The following CROCC2 variants were observed in gnomAD, a reference collection of about 807,000 sequenced individuals.
CROCC2 encodes the protein ciliary rootlet coiled-coil, rootletin family member 2.
Under a neutral mutation model 177.6 loss-of-function variants are expected in CROCC2, and 163 were observed. That is an observed-to-expected ratio of 0.92 (90% CI 0.81 to 1.05). The LOEUF (loss-of-function observed/expected upper bound fraction) is 1.05, where lower values mean the gene tolerates loss of function less well. CROCC2 is among the 50% of genes least tolerant of loss of function. CROCC2 has a pLI of 0.00. For missense variants in CROCC2, 1,929 were observed against 1,797.8 expected, an observed-to-expected ratio of 1.07 and a Z score of -1.32; for synonymous variants, 904 against 787.3, an observed-to-expected ratio of 1.15 and a Z score of -2.48.
rs557098696 is a variant in CROCC2, at chr2:240,932,857, C to T, written c.1200C>T (p.Pro400=). The T allele has an allele frequency of 5.1e-5, 79 of 1,546,390 alleles. No homozygotes were observed. Among genetic ancestry groups the T allele is most frequent in the African/African-American group, 2.7e-4 (20 of 72,950 alleles). The part of the protein sequence containing the change: ...PHICSPATLD[P]ALQAMRAAIE... ...TCTGCTCCCCAGCCACCCTGGACCC[C>T]GCACTGCAGGCCATGCGGGCAGCCA... Residue 400 remains proline, a synonymous_variant, in exon 9 of 32, where the codon CCC becomes CCT. Coordinates refer to ENST00000690015, the MANE Select transcript of CROCC2 (RefSeq NM_001351305.2).
rs1212922356 is a variant in CROCC2, at chr2:240,963,686, G to A, written c.3218G>A (p.Ser1073Asn). The A allele has an allele frequency of 8.4e-6, 13 of 1,550,274 alleles. No individual in the cohort carries two copies. Among genetic ancestry groups the A allele is most frequent in the African/African-American group, 1.4e-5 (1 of 73,146 alleles). Residue 1073 changes from serine (S) to asparagine (N), a missense_variant, in exon 21 of 32, where the codon AGT becomes AAT. Ser to Asn is a conservative substitution (Grantham distance 46). This residue lies in a region of CROCC2 where 1,397 missense variants were observed against 1,239.9 expected (regional missense o/e 1.13). Coordinates refer to ENST00000690015, the MANE Select transcript of CROCC2 (RefSeq NM_001351305.2). ...REAQEARRAL[S>N]DEAREKDVLL... ...GCCCAGGAGGCCCGCCGGGCGCTGAGTGACGAGGCCCGCGAGAAGGACGTA... is the reference window on the plus strand; with the variant it reads ...GCCCAGGAGGCCCGCCGGGCGCTGAATGACGAGGCCCGCGAGAAGGACGTA...
rs2059731513 is a variant in CROCC2, at chr2:240,972,888, C to G, written c.4401+4626C>G. ...TCAGACACACCTAAGTCACCAGAGG[C>G]CCCCGCTTTTGACACACAGCAAACC... On this transcript the variant is annotated intron_variant, in intron 27 of 31. Coordinates refer to ENST00000690015, the MANE Select transcript of CROCC2 (RefSeq NM_001351305.2). The surrounding 1 kb of genome is among the most constrained non-coding windows in gnomAD (Gnocchi z 7.1). Among the ~76,000 whole-genome samples, 1 of 151,766 alleles carries G rather than the reference C, an allele frequency of 6.6e-6. No homozygotes were observed. Among genetic ancestry groups the G allele is most frequent in the African/African-American group, 2.4e-5 (1 of 41,144 alleles).
Position 240,989,740 on chromosome 2 carries a change from A to G in CROCC2, c.4770A>G (p.Ala1590=). The change falls in exon 30 of 32, where the codon GCA becomes GCG. Residue 1590 remains alanine, a synonymous_variant. Transcript: ENST00000690015. ...AQHQRDLATE[A]ERLHGARPQA... Reference sequence around the variant, plus strand: ...ACCAGCGGGACCTGGCCACAGAGGCAGAGCGTCTCCATGGGGCCCGGCCGC... The same window carrying G: ...ACCAGCGGGACCTGGCCACAGAGGCGGAGCGTCTCCATGGGGCCCGGCCGC... 1 of 1,550,408 alleles carries G rather than the reference A, an allele frequency of 6.4e-7. No individual in the cohort carries two copies. The highest frequency in any genetic ancestry group is 2.4e-5 in the East Asian group (1 of 40,916).
In CROCC2 at chr2:240,922,775, G is replaced by A. The variant is rs941296699; in HGVS notation, c.488+130G>A. 10 of 478,440 alleles carry A rather than the reference G, an allele frequency of 2.1e-5. No homozygotes were observed. In the Admixed American group the frequency reaches 3.5e-4, roughly 17 times the overall value. The allele number at this position is 478,440 out of a possible 1,614,324, so 29.6% of individuals were successfully genotyped here. A position where few individuals can be genotyped will look rare whatever the true frequency, so the allele number is the denominator to read the frequency against. ...GCAGCTGTGAGTTCAGTTTCCCTGT[G>A]GGAGCCAACCCAGGCCTCCATGGCC... On this transcript the variant is annotated intron_variant, in intron 4 of 31. Coordinates refer to ENST00000690015, the MANE Select transcript of CROCC2 (RefSeq NM_001351305.2).
At chr2:240,925,532 G>A (rs1488205990) in intron 4 of CROCC2, among the ~76,000 whole-genome samples, 192 bp from the exon 5 acceptor site, 1 of 152,182 alleles carries the variant, frequency 6.6e-6, no homozygotes, top group African/African-American at 2.4e-5. Context: ...CCTTGATGCT[G>A]GCACTCAGTT....
At position 240,967,442 on chromosome 2, in the gene CROCC2, A is replaced by G. The variant is rs1404050187; in HGVS notation, c.4244A>G (p.Lys1415Arg). 7.1e-7 allele frequency: 1 copy of G among 1,418,434 alleles called. No individual in the cohort carries two copies. The highest frequency in any genetic ancestry group is 1.2e-5 in the South Asian group (1 of 81,402). 87.9% of individuals were successfully genotyped at this position (1,418,434 alleles called of 1,614,324 possible). ...RAQSRVGQLQ[K>R]ALAEAEEGQR... ...CAGAGCCGCGTGGGGCAGCTGCAGA[A>G]AGCCCTGGCTGAGGCGGAAGAAGGT... The change falls in exon 26 of 32, where the codon AAA (lysine) becomes AGA (arginine). Residue 1415 changes from lysine (K) to arginine (R), a missense_variant. Lys to Arg is a conservative substitution (Grantham distance 26). This residue lies in a region of CROCC2 where 388 missense variants were observed against 352.7 expected (regional missense o/e 1.10). Transcript: ENST00000690015.
chr2:240,951,406 TC>T (rs1348266967), intron 18 of CROCC2, among the ~76,000 whole-genome samples: 1 of 151,850 alleles, frequency 6.6e-6, no homozygotes, highest in Non-Finnish European at 1.5e-5. Flanking sequence ...CATCCATTCA[TC>T]CATCTGTCCA....
chr2:240,984,156 TCAGA>T (rs1387513856), intron 28 of CROCC2, among the ~76,000 whole-genome samples: 6 of 151,860 alleles, frequency 4.0e-5, no homozygotes. Context: ...AGCCCAAAGG[TCAGA>T]CAAACGTAGA....
chr2:240,955,814 C>A (rs1411158823), intron 18 of CROCC2, 45 bp from the exon 19 acceptor site: 1 of 1,419,656 alleles, frequency 7.0e-7, no homozygotes, highest in Admixed American at 2.0e-5. Context: ...CTTCCCTCCC[C>A]CGAGACTCCC....
chr2:240,962,277 G>A (rs1219390661), intron 20 of CROCC2, among the ~76,000 whole-genome samples: 9 of 151,422 alleles, frequency 5.9e-5, no homozygotes, highest in African/African-American at 2.2e-4. Context: ...CTGTTCTCAT[G>A]AGGCAGAGGG....
rs2059586865 is a variant in CROCC2, at chr2:240,955,843, A to G, written c.2830-16A>G. 6.6e-7 allele frequency: 1 copy of G among 1,525,098 alleles called. No homozygotes were observed. The highest frequency in any genetic ancestry group is 8.8e-7 in the Non-Finnish European group (1 of 1,138,104). The allele number at this position is 1,525,098 out of a possible 1,614,324, so 94.5% of individuals were successfully genotyped here. ...GACTCCCCAACTTTCTCACAAGCAT[A>G]CCCCGTCCTGTTCAGGCCCTGTCCC... is the stretch of plus-strand genomic sequence containing the variant. On this transcript the variant is annotated splice_polypyrimidine_tract_variant and intron_variant, in intron 18 of 31. Coordinates refer to ENST00000690015, the MANE Select transcript of CROCC2 (RefSeq NM_001351305.2).
At chr2:240,987,369 C>T (rs900579461) in intron 28 of CROCC2, among the ~76,000 whole-genome samples, 1 of 152,090 alleles carries the variant, frequency 6.6e-6, no homozygotes, top group African/African-American at 2.4e-5. Context: ...CGGATGTGGC[C>T]GTTTATTTAT....
intron 5 of CROCC2, among the ~76,000 whole-genome samples, chr2:240,928,511 G>C (rs2059408327): frequency 6.6e-6 from 1 of 151,908 alleles, no homozygotes. Flanking sequence ...CCTGGCCTAA[G>C]TGTTCCAGCC....
rs972023644 is a variant in CROCC2 at position 240,918,642 on chromosome 2, G to A, written c.79-84G>A. 2.8e-5 allele frequency: 14 copies of A among 497,020 alleles called. No individual in the cohort carries two copies. Among genetic ancestry groups the A allele is most frequent in the African/African-American group, 6.1e-5 (3 of 49,204 alleles). The allele number at this position is 497,020 out of a possible 1,614,324, so 30.8% of individuals were successfully genotyped here. A position where few individuals can be genotyped will look rare whatever the true frequency, so the allele number is the denominator to read the frequency against. ...TGCTGCCTTGGGGTGGCCCTGTGGC[G>A]GCTCCCATTCAGTGGGATCGTAGAG... On this transcript the variant is annotated intron_variant, in intron 1 of 31. Transcript: ENST00000690015. This position sits in a 1 kb window ranked among gnomAD's most constrained non-coding sequence, Gnocchi z 6.3.
intron 22 of CROCC2, among the ~76,000 whole-genome samples, 178 bp from the exon 23 acceptor site, chr2:240,965,203 A>G (rs978129626): frequency 1.3e-5 from 2 of 152,184 alleles, no homozygotes; most frequent in African/African-American, 4.8e-5. Context: ...AGGTGTCTAC[A>G]GAGTGGCTGA....
intron 14 of CROCC2, among the ~76,000 whole-genome samples, chr2:240,943,557 G>A (rs1462083808): frequency 6.7e-6 from 1 of 149,020 alleles, no homozygotes; most frequent in Non-Finnish European, 1.5e-5. Flanking sequence ...GGGTGATCTC[G>A]GCTCACTGCA....
chr2:240,968,112 C>A lies in CROCC2; in HGVS notation c.4268-17C>A. On this transcript the variant is annotated splice_polypyrimidine_tract_variant and intron_variant, in intron 26 of 31. Transcript: ENST00000690015. ...AGGGGCATGGGGGCCCCTCAAGCCA[C>A]CCTGCTTGCCCCACAGGCCAGCGCC... 1 of 1,422,148 alleles carries A rather than the reference C, an allele frequency of 7.0e-7. No individual in the cohort carries two copies. Among genetic ancestry groups the A allele is most frequent in the Non-Finnish European group, 9.2e-7 (1 of 1,089,182 alleles). The allele number at this position is 1,422,148 out of a possible 1,614,324, so 88.1% of individuals were successfully genotyped here.
At chr2:240,935,982 C>T (rs1190435375) in intron 14 of CROCC2, among the ~76,000 whole-genome samples, 5 of 152,002 alleles carry the variant, frequency 3.3e-5, no homozygotes, top group Non-Finnish European at 7.4e-5. Flanking sequence ...CCCAATTTCC[C>T]CATCTTTTGT....
At chr2:240,916,512 C>A (rs1210474389) in intron 1 of CROCC2, among the ~76,000 whole-genome samples, 26 of 125,866 alleles carry the variant, frequency 2.1e-4, no homozygotes, top group African/African-American at 7.1e-4. Context: ...CCCGCTCCCC[C>A]CGTGTCCCCC....
Sources: allele counts gnomAD v4.1 joint callset (sites outside exome capture counted in the v4.1 genomes callset), GRCh38; gene constraint gnomAD v4.1.1; regional missense constraint gnomAD v4.1.1; non-coding constraint Gnocchi (gnomAD v3.1); transcripts MANE v1.5; gene names NCBI Gene and HGNC (gene_info 2026-07-23, HGNC 2026-07-21).